The following TASOR variants were observed in gnomAD, a reference collection of about 807,000 sequenced individuals.
TASOR encodes the protein protein TASOR.
In TASOR, 53 loss-of-function variants were observed where a neutral mutation model predicts 178.6. That is an observed-to-expected ratio of 0.30 (90% CI 0.24 to 0.37). The LOEUF is 0.37. Among genes scored for constraint, TASOR ranks in the 10% least tolerant of loss-of-function variants. TASOR has a pLI of 1.00. For missense variants in TASOR, 1,815 were observed against 1,971.4 expected, an observed-to-expected ratio of 0.92 and a Z score of 1.50; for synonymous variants, 713 against 696.2, an observed-to-expected ratio of 1.02 and a Z score of -0.38.
intron 8 of TASOR, among the ~76,000 whole-genome samples, chr3:56,663,205 C>T (rs1317432899): frequency 6.6e-6 from 1 of 152,028 alleles, no homozygotes; most frequent in Non-Finnish European, 1.5e-5. Flanking sequence ...AACAAAGAAA[C>T]TTTAAAATAG....
At chr3:56,652,934 T>TA (rs747050495) in intron 11 of TASOR, among the ~76,000 whole-genome samples, 7 of 152,098 alleles carry the variant, frequency 4.6e-5, no homozygotes, top group Non-Finnish European at 1.0e-4. Context: ...TAGACAAGGT[T>TA]AACAGACGTG....
At chr3:56,648,423 T>C (rs916738785) in intron 13 of TASOR, among the ~76,000 whole-genome samples, 7 of 151,424 alleles carry the variant, frequency 4.6e-5, no homozygotes, top group Admixed American at 1.3e-4. Context: ...AGGTCAGGAG[T>C]TCGAGACCAG....
At chr3:56,672,146 A>G (rs1038707696) in intron 2 of TASOR, among the ~76,000 whole-genome samples, 5 of 152,224 alleles carry the variant, frequency 3.3e-5, no homozygotes, top group Admixed American at 6.5e-5. Flanking sequence ...TGCTCCATAC[A>G]TATTTATAGG....
At chr3:56,661,210 G>T (rs116961310) in intron 9 of TASOR, among the ~76,000 whole-genome samples, 193 bp from the exon 10 acceptor site, 2 of 152,118 alleles carry the variant, frequency 1.3e-5, no homozygotes, top group African/African-American at 2.4e-5. Flanking sequence ...GCAGTGGTGC[G>T]ATCACAGCTC....
At chr3:56,624,249 G>T (rs1293428488) in intron 23 of TASOR, among the ~76,000 whole-genome samples, 1 of 152,184 alleles carries the variant, frequency 6.6e-6, no homozygotes, top group East Asian at 1.9e-4. Flanking sequence ...AATATAGGTA[G>T]AAATGCATAA....
intron 17 of TASOR, among the ~76,000 whole-genome samples, chr3:56,638,040 C>CTT (rs2077051730): frequency 2.0e-5 from 3 of 152,062 alleles, no homozygotes; most frequent in African/African-American, 4.8e-5. Flanking sequence ...ATATAAATGG[C>CTT]TTACCCTTCT....
intron 14 of TASOR, among the ~76,000 whole-genome samples, chr3:56,644,034 A>G (rs1403427404): frequency 2.6e-5 from 4 of 152,204 alleles, no homozygotes; most frequent in African/African-American, 9.6e-5. Context: ...TTAGTTACCA[A>G]CAAAAACAGT....
intron 1 of TASOR, among the ~76,000 whole-genome samples, chr3:56,676,734 A>G (rs1344556018): frequency 6.6e-6 from 1 of 152,202 alleles, no homozygotes; most frequent in Non-Finnish European, 1.5e-5. Flanking sequence ...CCATTAATCT[A>G]ATCGTAAGTA....
At chr3:56,646,429 G>A (rs2077239632) in intron 14 of TASOR, 93 bp downstream of exon 14, 1 of 1,014,998 alleles carries the variant, frequency 9.9e-7, no homozygotes, top group Non-Finnish European at 1.4e-6. Context: ...GGCTGAATTT[G>A]ACCCTCAGGC....
chr3:56,668,967 C>G (rs528126431), intron 5 of TASOR, among the ~76,000 whole-genome samples: 1 of 151,190 alleles, frequency 6.6e-6, no homozygotes, highest in Admixed American at 6.6e-5. Flanking sequence ...AGTGAGACTC[C>G]GTCTCCAAAA....
chr3:56,647,550 A>G (rs1208735014), intron 13 of TASOR, among the ~76,000 whole-genome samples: 1 of 152,222 alleles, frequency 6.6e-6, no homozygotes, highest in Non-Finnish European at 1.5e-5. Context: ...AATATGTAAG[A>G]AGAAACAGAG....
At chr3:56,652,103 T>A (rs776726930) in intron 11 of TASOR, among the ~76,000 whole-genome samples, 2 of 152,138 alleles carry the variant, frequency 1.3e-5, no homozygotes, top group Non-Finnish European at 2.9e-5. Flanking sequence ...TTGACTCTAT[T>A]TATATAAAAT....
chr3:56,636,231 T>C (rs569983714), intron 17 of TASOR, among the ~76,000 whole-genome samples: 8 of 151,548 alleles, frequency 5.3e-5, no homozygotes, highest in East Asian at 1.9e-4. Context: ...TGAGCCAAGA[T>C]TGCACCACTG....
At chr3:56,674,355 A>T (rs2031068308) in intron 1 of TASOR, among the ~76,000 whole-genome samples, 1 of 151,502 alleles carries the variant, frequency 6.6e-6, no homozygotes, top group African/African-American at 2.4e-5. Context: ...TAAAAAAAAA[A>T]AAAAATTAGC....
Position 56,639,233 on chromosome 3 carries a change from T to G in TASOR, c.2765-468A>C, listed in dbSNP as rs557095958. On this transcript the variant is annotated intron_variant, in intron 16 of 23. Transcript: ENST00000683822. ...GGCCAGTCTACTTTGTAACAAAAAG[T>G]TGTTTGCTGTTGCTATTGTTTTTAA... is the stretch of plus-strand genomic sequence containing the variant. Among the ~76,000 whole-genome samples, 81 of 152,310 alleles carry G rather than the reference T, an allele frequency of 5.3e-4. 2 individuals are homozygous for G. The South Asian group carries it at 0.016, about 30-fold the overall frequency.
intron 17 of TASOR, among the ~76,000 whole-genome samples, chr3:56,635,094 A>C (rs1053157672): frequency 6.6e-6 from 1 of 152,228 alleles, no homozygotes. Flanking sequence ...TCAAACTTAC[A>C]GTGAAGATTT....
chr3:56,634,040 G>A (rs2076969158), intron 17 of TASOR, 74 bp from the exon 18 acceptor site: 1 of 1,168,726 alleles, frequency 8.6e-7, no homozygotes, highest in South Asian at 1.7e-5. Context: ...CCTTAAATTG[G>A]GGGAAAAAAG....
At chr3:56,681,387 A>G (rs1440417325) in intron 1 of TASOR, among the ~76,000 whole-genome samples, 1 of 152,208 alleles carries the variant, frequency 6.6e-6, no homozygotes, top group Non-Finnish European at 1.5e-5. Context: ...AACTCAAAAG[A>G]TATTTCTAGA....
rs1399205466 is a variant in TASOR, at chr3:56,638,635, A to G, written c.2824+71T>C. 6.0e-6 allele frequency: 9 copies of G among 1,487,752 alleles called. No individual in the cohort carries two copies. In the African/African-American group the frequency reaches 1.2e-4, roughly 21 times the overall value. The allele number at this position is 1,487,752 out of a possible 1,614,324, so 92.2% of individuals were successfully genotyped here. A position where few individuals can be genotyped will look rare whatever the true frequency, so the allele number is the denominator to read the frequency against. On this transcript the variant is annotated intron_variant, in intron 17 of 23. Transcript: ENST00000683822. ...ATTTAAGTCAATGCCCTATTGATGG[A>G]GTATCAGAAATGCAAGTAGCAACTC...
Sources: allele counts gnomAD v4.1 joint callset (sites outside exome capture counted in the v4.1 genomes callset), GRCh38; gene constraint gnomAD v4.1.1; transcripts MANE v1.5; gene names NCBI Gene and HGNC (gene_info 2026-07-23, HGNC 2026-07-21).